Variants in LMO3 observed in about 807,000 individuals in gnomAD.
LMO3 encodes LIM domain only protein 3.
A neutral mutation model predicts 15.8 loss-of-function variants in LMO3; 2 were observed. That is an observed-to-expected ratio of 0.13 (90% CI 0.05 to 0.40). The LOEUF (loss-of-function observed/expected upper bound fraction) is 0.40, where lower values mean the gene tolerates loss of function less well. LMO3 is among the 10% of genes least tolerant of loss of function. LMO3 has a pLI of 0.99. For synonymous variants in LMO3, 62 were observed against 63.8 expected (o/e 0.97, Z 0.13); for missense variants, 86 against 182.2 (o/e 0.47, Z 3.04).
intron 1 of LMO3, 134 bp downstream of exon 1, chr12:16,605,932 G>GCAACC: frequency 4.7e-6 from 5 of 1,074,134 alleles, no homozygotes; most frequent in Non-Finnish European, 6.8e-6. Flanking sequence ...GAGCTGGGTT[G>GCAACC]CAGCTCCAGT....
intron 1 of LMO3, among the ~76,000 whole-genome samples, chr12:16,601,255 C>T (rs1283458378): frequency 6.6e-6 from 1 of 152,168 alleles, no homozygotes; most frequent in East Asian, 1.9e-4. Flanking sequence ...TTAATCTATG[C>T]ACAGTCCCTA....
At position 16,582,784 on chromosome 12, in the gene LMO3, A is replaced by G. The variant is rs563272624; in HGVS notation, c.206+17871T>C. ...AGAACTAGGCCGGGCACGGTGGCCC[A>G]TGCCTGTAATCCCAGCACTTTGGGA... On this transcript the variant is annotated intron_variant, in intron 2 of 3. Transcript: ENST00000537304. This position sits in a 1 kb window ranked among gnomAD's most constrained non-coding sequence, Gnocchi z 4.1. Among the ~76,000 whole-genome samples the G allele has an allele frequency of 2.7e-3, 414 of 152,322 alleles. No homozygotes were observed. The highest frequency in any genetic ancestry group is 4.8e-3 in the Non-Finnish European group (329 of 68,026).
chr12:16,562,548 T>C (rs994034965), intron 2 of LMO3, among the ~76,000 whole-genome samples: 6 of 152,216 alleles, frequency 3.9e-5, no homozygotes, highest in African/African-American at 1.4e-4. Flanking sequence ...ACACAAACCA[T>C]TGATCATCAG....
Position 16,555,703 on chromosome 12 carries a change from C to G in LMO3, c.333-4376G>C, listed in dbSNP as rs1942166492. ...TCCATGTGCCTACCAAACCGCTTCT[C>G]TAATCTCTGAACATACTGAGCCGCT... On this transcript the variant is annotated intron_variant, in intron 3 of 3. Coordinates refer to ENST00000537304, the MANE Select transcript of LMO3 (RefSeq NM_018640.5). This position sits in a 1 kb window ranked among gnomAD's most constrained non-coding sequence, Gnocchi z 5.5. 6.6e-6 allele frequency among the ~76,000 whole-genome samples: 1 copy of G among 152,190 alleles called. No individual in the cohort carries two copies.
At position 16,560,824 on chromosome 12, in the gene LMO3, A is replaced by C. The variant is rs748830470; in HGVS notation, c.207-286T>G. 2.3e-6 allele frequency: 1 copy of C among 436,338 alleles called. No individual in the cohort carries two copies. Among genetic ancestry groups the C allele is most frequent in the Non-Finnish European group, 4.3e-6 (1 of 231,702 alleles). 27.0% of individuals were successfully genotyped at this position (436,338 alleles called of 1,614,324 possible). On this transcript the variant is annotated intron_variant, in intron 2 of 3. Coordinates refer to ENST00000537304, the MANE Select transcript of LMO3 (RefSeq NM_018640.5). The surrounding 1 kb of genome is among the most constrained non-coding windows in gnomAD (Gnocchi z 5.0). ...AACAGAAGTCAATGGGGGTGAATTC[A>C]TAGCAAAAATCTCTGGGTTAGAGTA...
At chr12:16,557,382 T>C (rs1419171708) in intron 3 of LMO3, among the ~76,000 whole-genome samples, 1 of 151,692 alleles carries the variant, frequency 6.6e-6, no homozygotes, top group East Asian at 1.9e-4. Context: ...TTTTTTTTTT[T>C]TTTAAACGTA....
At chr12:16,594,010 T>C (rs1286026830) in intron 2 of LMO3, 2 of 772,914 alleles carry the variant, frequency 2.6e-6, no homozygotes, top group African/African-American at 3.5e-5. Flanking sequence ...CATTCTGTAG[T>C]TTTATAAAAG....
intron 2 of LMO3, chr12:16,600,440 CAAATTGA>C (rs1943790842): frequency 1.8e-6 from 1 of 540,920 alleles, no homozygotes; most frequent in Non-Finnish European, 3.3e-6. Flanking sequence ...GCAGGCAAGC[CAAATTGA>C]AATACTTTAA....
rs1942354139 is a variant in LMO3 at position 16,560,318 on chromosome 12, G to A, written c.332+95C>T. The A allele has an allele frequency of 7.5e-7, 1 of 1,335,292 alleles. No homozygotes were observed. The highest frequency in any genetic ancestry group is 2.2e-5 in the Admixed American group (1 of 44,930). 82.7% of individuals were successfully genotyped at this position (1,335,292 alleles called of 1,614,324 possible). On this transcript the variant is annotated intron_variant, in intron 3 of 3. Transcript: ENST00000537304. This position sits in a 1 kb window ranked among gnomAD's most constrained non-coding sequence, Gnocchi z 5.0. Reference sequence around the variant, plus strand: ...GAACAGAAAAACGCTGAGATTGATTGCTTTAAATGTATGAATATAATTTCC... The same window carrying A: ...GAACAGAAAAACGCTGAGATTGATTACTTTAAATGTATGAATATAATTTCC...
At position 16,600,636 on chromosome 12, in the gene LMO3, G is replaced by A. The variant is rs770989576; in HGVS notation, c.206+19C>T. The A allele has an allele frequency of 1.2e-6, 2 of 1,603,178 alleles. No individual in the cohort carries two copies. The highest frequency in any genetic ancestry group is 2.2e-5 in the South Asian group (2 of 90,856). On this transcript the variant is annotated intron_variant, in intron 2 of 3. Transcript: ENST00000537304. Reference sequence around the variant, plus strand: ...TAAAAGGCATCCAGTCATCACTGGTGTGCAAGGATAATTCCTACCTCAGAT... The same window carrying A: ...TAAAAGGCATCCAGTCATCACTGGTATGCAAGGATAATTCCTACCTCAGAT...
chr12:16,567,197 A>AAAAC lies in LMO3; in HGVS notation c.207-6663_207-6660dup, dbSNP rs145977478. 2.8e-3 allele frequency among the ~76,000 whole-genome samples: 424 copies of AAAAC among 151,446 alleles called. 1 individual carries two copies. Among genetic ancestry groups the AAAAC allele is most frequent in the East Asian group, 0.01 (52 of 5,140 alleles). On this transcript the variant is annotated intron_variant, in intron 2 of 3. Transcript: ENST00000537304. ...GGCAATAAGAGTGAAACTCCACCTC[A>AAAAC]AAACAAACAAACAAACAAACAAACA... is the stretch of plus-strand genomic sequence containing the variant.
Position 16,598,396 on chromosome 12 carries a change from T to G in LMO3, c.206+2259A>C, listed in dbSNP as rs1459770624. 6.6e-6 allele frequency: 1 copy of G among 152,110 alleles called. No homozygotes were observed. Among genetic ancestry groups the G allele is most frequent in the East Asian group, 1.9e-4 (1 of 5,194 alleles). The allele number at this position is 152,110 out of a possible 1,614,324, so 9.4% of individuals were successfully genotyped here. ...GCTGTTAACAACTTAGTTTGAAATG[T>G]TAACAACCGTTAGGCTGTTAACATA... On this transcript the variant is annotated intron_variant, in intron 2 of 3. Transcript: ENST00000537304. The surrounding 1 kb of genome is among the most constrained non-coding windows in gnomAD (Gnocchi z 4.3).
rs150809053 is a variant in LMO3, at chr12:16,563,065, C to T, written c.207-2527G>A. ...CTTCTTCCACGCACTTTCCCTGCCT[C>T]GCTGGAGGCTCCATCAGTTTCCATC... is the stretch of plus-strand genomic sequence containing the variant. On this transcript the variant is annotated intron_variant, in intron 2 of 3. Coordinates refer to ENST00000537304, the MANE Select transcript of LMO3 (RefSeq NM_018640.5). Among the ~76,000 whole-genome samples, 11 of 151,938 alleles carry T rather than the reference C, an allele frequency of 7.2e-5. No individual in the cohort carries two copies. The East Asian group carries it at 2.0e-3, about 27-fold the overall frequency.
Position 16,551,030 on chromosome 12 carries a change from T to C in LMO3, c.*192A>G, listed in dbSNP as rs1941968684. The C allele has an allele frequency of 2.0e-6, 1 of 496,960 alleles. No individual in the cohort carries two copies. The highest frequency in any genetic ancestry group is 3.6e-6 in the Non-Finnish European group (1 of 276,988). 30.8% of individuals were successfully genotyped at this position (496,960 alleles called of 1,614,324 possible). A position where few individuals can be genotyped will look rare whatever the true frequency, so the allele number is the denominator to read the frequency against. ...TGTACATTACTTTTTTCTTTAATAA[T>C]AAACATTCAACTCTGAACTGGGGCA... On this transcript the variant is annotated 3_prime_UTR_variant, in exon 4 of 4. Coordinates refer to ENST00000537304, the MANE Select transcript of LMO3 (RefSeq NM_018640.5).
rs1490500161 is a variant in LMO3, at chr12:16,585,157, A to G, written c.206+15498T>C. Reference sequence around the variant, plus strand: ...CCTTTGGGTGGCGCATGCAAGCCCCAGTTCACAACGTTATTTTTCCTTCCA... The same window carrying G: ...CCTTTGGGTGGCGCATGCAAGCCCCGGTTCACAACGTTATTTTTCCTTCCA... On this transcript the variant is annotated intron_variant, in intron 2 of 3. Transcript: ENST00000537304. This position sits in a 1 kb window ranked among gnomAD's most constrained non-coding sequence, Gnocchi z 4.7. 6.6e-6 allele frequency among the ~76,000 whole-genome samples: 1 copy of G among 152,174 alleles called. No homozygotes were observed. Among genetic ancestry groups the G allele is most frequent in the Non-Finnish European group, 1.5e-5 (1 of 68,030 alleles).
At chr12:16,605,898 A>G (rs1943980151) in intron 1 of LMO3, 168 bp downstream of exon 1, 27 of 1,417,568 alleles carry the variant, frequency 1.9e-5, no homozygotes, top group Non-Finnish European at 2.6e-5. Context: ...GTAGAGCTGC[A>G]GCCCGAGTGA....
upstream of LMO3, chr12:16,608,713 A>G (rs1944075047): frequency 6.6e-6 from 1 of 152,042 alleles, no homozygotes; most frequent in Admixed American, 6.6e-5. This position sits in a 1 kb window ranked among gnomAD's most constrained non-coding sequence, Gnocchi z 4.1. Context: ...GGAGAGAGAG[A>G]GAGAGAAGGA....
At chr12:16,553,478 CGA>C (rs766432551) in intron 3 of LMO3, among the ~76,000 whole-genome samples, 2 of 151,980 alleles carry the variant, frequency 1.3e-5, no homozygotes, top group East Asian at 3.8e-4. Flanking sequence ...AGAGGCAGAG[CGA>C]GAGAGAGACA....
At chr12:16,568,153 G>T (rs964846153) in intron 2 of LMO3, among the ~76,000 whole-genome samples, 1 of 152,144 alleles carries the variant, frequency 6.6e-6, no homozygotes, top group Non-Finnish European at 1.5e-5. Context: ...GGTATTGTAT[G>T]TTAATGGAAA....
Sources: allele counts gnomAD v4.1 joint callset (sites outside exome capture counted in the v4.1 genomes callset), GRCh38; gene constraint gnomAD v4.1.1; non-coding constraint Gnocchi (gnomAD v3.1); transcripts MANE v1.5; gene names NCBI Gene and HGNC (gene_info 2026-07-23, HGNC 2026-07-21).